Variants in ZNF680 observed in about 807,000 individuals in gnomAD.
ZNF680 encodes the protein hypothetical protein FLJ90430.
In ZNF680, 6 loss-of-function variants were observed where a neutral mutation model predicts 12.1. The observed-to-expected ratio is 0.49, with a 90% confidence interval of 0.27 to 0.98. The LOEUF (loss-of-function observed/expected upper bound fraction) is 0.98. ZNF680 is among the 50% of genes least tolerant of loss of function. ZNF680 has a pLI of 0.12. For synonymous variants in ZNF680, 170 were observed against 199.3 expected, an observed-to-expected ratio of 0.85 and a Z score of 1.24; for missense variants, 561 against 616.3, an observed-to-expected ratio of 0.91 and a Z score of 0.95.
chr7:64,515,057 CACACACA>C (rs1791321078), downstream of ZNF680, among the ~76,000 whole-genome samples: 1 of 151,706 alleles, frequency 6.6e-6, no homozygotes, highest in African/African-American at 2.4e-5. Flanking sequence ...CACACACACA[CACACACA>C]CACACACACA....
the ZNF680 span, among the ~76,000 whole-genome samples, chr7:64,510,293 G>A: frequency 2.0e-5 from 3 of 150,332 alleles, no homozygotes; most frequent in Non-Finnish European, 3.0e-5. Flanking sequence ...ACCAAACCTC[G>A]TAGTAACTCT....
At chr7:64,518,575 A>G (rs556543402), downstream of ZNF680, among the ~76,000 whole-genome samples, 5 of 151,858 alleles carry the variant, frequency 3.3e-5, no homozygotes, top group East Asian at 7.7e-4. Context: ...AGACAATCCT[A>G]AAGTTTACAT....
At chr7:64,515,286 CAT>C (rs999703116), downstream of ZNF680, among the ~76,000 whole-genome samples, 5 of 149,038 alleles carry the variant, frequency 3.4e-5, no homozygotes, top group African/African-American at 1.2e-4. Context: ...AACACACACA[CAT>C]ACACACACAC....
At chr7:64,538,520 C>T (rs1480242591) in intron 3 of ZNF680, among the ~76,000 whole-genome samples, 1 of 152,118 alleles carries the variant, frequency 6.6e-6, no homozygotes. Flanking sequence ...ACACAAAATA[C>T]TAATTTGTAG....
chr7:64,536,237 A>G (rs1786160718), intron 3 of ZNF680, among the ~76,000 whole-genome samples: 2 of 152,244 alleles, frequency 1.3e-5, no homozygotes, highest in South Asian at 2.1e-4. Context: ...AAACTTAGAC[A>G]TTATAGACTG....
At chr7:64,555,733 A>AT (rs1554334151) in intron 1 of ZNF680, among the ~76,000 whole-genome samples, 138 of 87,524 alleles carry the variant, frequency 1.6e-3, no homozygotes, top group African/African-American at 5.2e-3. Context: ...TGTAAAAAAA[A>AT]ATATATATAT....
intron 3 of ZNF680, among the ~76,000 whole-genome samples, chr7:64,529,933 G>C (rs1321016343): frequency 6.6e-6 from 1 of 152,172 alleles, no homozygotes; most frequent in Non-Finnish European, 1.5e-5. Context: ...AAAACTATCA[G>C]ATTAACAGCA....
In ZNF680 at chr7:64,563,041, T is replaced by C. The variant is rs902509235; in HGVS notation, c.-87A>G. The C allele has an allele frequency of 4.4e-5, 66 of 1,506,268 alleles. 2 individuals carry two copies. The highest frequency in any genetic ancestry group is 2.3e-5 in the East Asian group (1 of 43,662). The allele number at this position is 1,506,268 out of a possible 1,614,324, so 93.3% of individuals were successfully genotyped here. A position where few individuals can be genotyped will look rare whatever the true frequency, so the allele number is the denominator to read the frequency against. On this transcript the variant is annotated 5_prime_UTR_variant, in exon 1 of 4. Transcript: ENST00000309683. ...GCAGAATACACAGAGCAGTAAAGAC[T>C]AGACCTGGAGCTCCCGCAGCAGCTA...
At chr7:64,533,453 TA>T (rs1392332564) in intron 3 of ZNF680, among the ~76,000 whole-genome samples, 1 of 152,040 alleles carries the variant, frequency 6.6e-6, no homozygotes, top group East Asian at 1.9e-4. Flanking sequence ...GAAATATACC[TA>T]ATCAATTACA....
the ZNF680 span, among the ~76,000 whole-genome samples, chr7:64,514,451 T>C: frequency 6.6e-6 from 1 of 152,200 alleles, no homozygotes; most frequent in Non-Finnish European, 1.5e-5. Flanking sequence ...AATTGTTATT[T>C]TAATTTTCTT....
chr7:64,529,885 G>A (rs1785773313), intron 3 of ZNF680, among the ~76,000 whole-genome samples: 2 of 152,146 alleles, frequency 1.3e-5, no homozygotes, highest in African/African-American at 2.4e-5. Flanking sequence ...AACATCTTAA[G>A]AGTTGTCAGA....
At chr7:64,516,376 G>GCTC (rs1420168248), downstream of ZNF680, among the ~76,000 whole-genome samples, 1 of 152,168 alleles carries the variant, frequency 6.6e-6, no homozygotes, top group Non-Finnish European at 1.5e-5. Flanking sequence ...GAAGCAAATA[G>GCTC]CTCCTGTAGG....
chr7:64,517,584 T>A (rs2116339387), downstream of ZNF680, among the ~76,000 whole-genome samples: 1 of 152,168 alleles, frequency 6.6e-6, no homozygotes, highest in Admixed American at 6.5e-5. Context: ...GGAACCTCCA[T>A]AATTCATTGT....
At chr7:64,562,054 G>A (rs1259511670) in intron 1 of ZNF680, among the ~76,000 whole-genome samples, 1 of 150,210 alleles carries the variant, frequency 6.7e-6, no homozygotes, top group Admixed American at 6.7e-5. Context: ...CCAACATGGT[G>A]AAACCCGTCT....
intron 1 of ZNF680, chr7:64,560,930 T>G (rs1787699591): frequency 6.6e-6 from 1 of 152,246 alleles, no homozygotes; most frequent in Non-Finnish European, 1.5e-5. Context: ...GATATTAATT[T>G]TTTTCTGAAA....
intron 3 of ZNF680, among the ~76,000 whole-genome samples, chr7:64,533,242 G>T (rs888506060): frequency 3.3e-5 from 5 of 152,136 alleles, no homozygotes; most frequent in Non-Finnish European, 7.4e-5. Context: ...GTTTGCTGGT[G>T]ATATGATCTT....
At chr7:64,548,909 T>A (rs1005809427) in intron 1 of ZNF680, among the ~76,000 whole-genome samples, 2 of 151,820 alleles carry the variant, frequency 1.3e-5, no homozygotes, top group Non-Finnish European at 2.9e-5. Flanking sequence ...GATCACGAGG[T>A]CAGGAGTTTG....
At chr7:64,511,495 T>C in the ZNF680 span, among the ~76,000 whole-genome samples, 1 of 152,062 alleles carries the variant, frequency 6.6e-6, no homozygotes, top group Non-Finnish European at 1.5e-5. Flanking sequence ...CACACAGTAC[T>C]GCAAAACTGT....
intron 3 of ZNF680, among the ~76,000 whole-genome samples, chr7:64,541,444 C>T (rs1394996356): frequency 3.3e-5 from 5 of 152,132 alleles, no homozygotes; most frequent in African/African-American, 1.2e-4. Context: ...TGGCTCACAC[C>T]TGTAATGACA....
Sources: gnomAD v4.1 joint callset for allele counts (sites outside exome capture counted in the v4.1 genomes callset) on GRCh38, gnomAD v4.1.1 for gene constraint, MANE v1.5 for transcripts, NCBI Gene and HGNC (gene_info 2026-07-23, HGNC 2026-07-21) for gene names.